Variants in TNPO1 observed in about 807,000 individuals in gnomAD.
The protein encoded by TNPO1 is transportin-1.
A neutral mutation model predicts 119.5 loss-of-function variants in TNPO1; 8 were observed. The ratio of observed to expected loss-of-function variants is 0.07; its 90% CI spans 0.04 to 0.12. The LOEUF (loss-of-function observed/expected upper bound fraction) is 0.12. Ranked by LOEUF, TNPO1 falls within the 10% of genes least tolerant of loss-of-function variation. TNPO1 has a pLI of 1.00. For synonymous variants in TNPO1, 362 were observed against 363.0 expected (o/e 1.00, Z 0.03); for missense variants, 576 against 1,089.8 (o/e 0.53, Z 6.64).
chr5:72,893,874 C>A (rs183727900), intron 18 of TNPO1, among the ~76,000 whole-genome samples, 171 bp downstream of exon 18: 2 of 152,192 alleles, frequency 1.3e-5, no homozygotes, highest in East Asian at 3.9e-4. Flanking sequence ...TGGCAGGAAC[C>A]CCTAATATTT....
At chr5:72,897,488 A>ATT (rs34716199) in intron 20 of TNPO1, among the ~76,000 whole-genome samples, 19 of 149,950 alleles carry the variant, frequency 1.3e-4, no homozygotes, top group Admixed American at 7.3e-4. Flanking sequence ...CTGGGAAGTA[A>ATT]TTTTTTTTTT....
rs1554050071 is a variant in TNPO1, at chr5:72,853,670, T to TC, written c.206-2101dup. 5.1e-3 allele frequency among the ~76,000 whole-genome samples: 777 copies of TC among 151,760 alleles called. 9 individuals are homozygous for TC. Among genetic ancestry groups the TC allele is most frequent in the African/African-American group, 0.017 (713 of 41,370 alleles). On this transcript the variant is annotated intron_variant, in intron 3 of 24. Transcript: ENST00000337273. Reference sequence around the variant, plus strand: ...TCTTGTGTTTATGCATTTTTTTTTTTCCCTGGGAAGATTGGGACACAAGTT... The same window carrying TC: ...TCTTGTGTTTATGCATTTTTTTTTTTCCCCTGGGAAGATTGGGACACAAGTT...
At chr5:72,832,636 A>C (rs1382800040) in intron 1 of TNPO1, among the ~76,000 whole-genome samples, 2 of 152,146 alleles carry the variant, frequency 1.3e-5, no homozygotes, top group African/African-American at 4.8e-5. Flanking sequence ...GTAAATTGCC[A>C]CTGTCCCTAC....
At chr5:72,901,171 C>A in intron 22 of TNPO1, 98 bp downstream of exon 22, 1 of 694,510 alleles carries the variant, frequency 1.4e-6, no homozygotes, top group Non-Finnish European at 2.2e-6. Context: ...TAACTATTTT[C>A]AAAGGTATCA....
At chr5:72,886,129 C>T (rs1197921730) in intron 11 of TNPO1, among the ~76,000 whole-genome samples, 32 of 151,582 alleles carry the variant, frequency 2.1e-4, no homozygotes, top group Non-Finnish European at 4.6e-4. Flanking sequence ...TTCAGGAACA[C>T]GTTCCTACCC....
At chr5:72,877,992 T>A (rs1016480183) in intron 9 of TNPO1, among the ~76,000 whole-genome samples, 5 of 152,206 alleles carry the variant, frequency 3.3e-5, no homozygotes, top group Non-Finnish European at 5.9e-5. Context: ...GCTTAAAATT[T>A]TAAATATACT....
At chr5:72,892,323 A>T (rs979740816) in intron 15 of TNPO1, among the ~76,000 whole-genome samples, 5 of 151,836 alleles carry the variant, frequency 3.3e-5, no homozygotes, top group Admixed American at 6.6e-5. Flanking sequence ...CTTTTATATG[A>T]TGTTCTCGTA....
chr5:72,816,727 A>AGG lies in TNPO1; in HGVS notation c.-10_-9dup. 1 of 1,577,436 alleles carries AGG rather than the reference A, an allele frequency of 6.3e-7. No individual in the cohort carries two copies. The highest frequency in any genetic ancestry group is 1.4e-5 in the African/African-American group (1 of 72,470). ...CTTCGGCCGAAGGCCCGAGCGCCCGAGGCGTCTGGGATGGTGTGGGACCGG... is the reference window on the plus strand; with the variant it reads ...CTTCGGCCGAAGGCCCGAGCGCCCGAGGGGCGTCTGGGATGGTGTGGGACCGG... On this transcript the variant is annotated 5_prime_UTR_variant, in exon 1 of 25. Coordinates refer to ENST00000337273, the MANE Select transcript of TNPO1 (RefSeq NM_002270.4).
chr5:72,893,570 G>A lies in TNPO1; in HGVS notation c.2055+35G>A, dbSNP rs778018457. On this transcript the variant is annotated intron_variant, in intron 17 of 24. Coordinates refer to ENST00000337273, the MANE Select transcript of TNPO1 (RefSeq NM_002270.4). ...GAAAGGTGAAAATGAATTGAAGCCTGTTTCTCTGTGTCACATTGGGGTTAA... is the reference window on the plus strand; with the variant it reads ...GAAAGGTGAAAATGAATTGAAGCCTATTTCTCTGTGTCACATTGGGGTTAA... The A allele has an allele frequency of 1.6e-5, 26 of 1,614,064 alleles. No homozygotes were observed. The East Asian group carries it at 5.6e-4, about 35-fold the overall frequency.
intron 1 of TNPO1, among the ~76,000 whole-genome samples, chr5:72,846,967 C>T (rs994641308): frequency 6.6e-6 from 1 of 152,006 alleles, no homozygotes; most frequent in Non-Finnish European, 1.5e-5. Context: ...TGCATAAAAA[C>T]ACATAGAATG....
chr5:72,820,004 G>A (rs1743882447), intron 1 of TNPO1, among the ~76,000 whole-genome samples: 1 of 152,134 alleles, frequency 6.6e-6, no homozygotes, highest in Non-Finnish European at 1.5e-5. Flanking sequence ...ACAAATATCA[G>A]TACTACGTAG....
chr5:72,851,815 G>A (rs1321330271), intron 3 of TNPO1, among the ~76,000 whole-genome samples: 3 of 152,122 alleles, frequency 2.0e-5, no homozygotes, highest in African/African-American at 7.2e-5. Context: ...TTAATAGGGT[G>A]TTTGTATAAT....
rs1187804780 is a variant in TNPO1 at position 72,903,789 on chromosome 5, T to C, written c.2589+6T>C. ...TCAGAGACATGTTCTGTAAGGTAAC[T>C]AATAAGTCTTTATAATGCATCATCT... On this transcript the variant is annotated splice_donor_region_variant and intron_variant, in intron 23 of 24. Transcript: ENST00000337273. 1.3e-6 allele frequency: 2 copies of C among 1,577,378 alleles called. No individual in the cohort carries two copies. Among genetic ancestry groups the C allele is most frequent in the Non-Finnish European group, 1.7e-6 (2 of 1,152,712 alleles).
intron 1 of TNPO1, among the ~76,000 whole-genome samples, chr5:72,828,735 A>T (rs1296100404): frequency 6.8e-6 from 1 of 148,066 alleles, no homozygotes; most frequent in Admixed American, 6.8e-5. Context: ...TTTTTTTTCT[A>T]CCAGTACCTG....
chr5:72,891,757 T>G, intron 14 of TNPO1, 53 bp from the exon 15 acceptor site: 1 of 1,281,302 alleles, frequency 7.8e-7, no homozygotes, highest in Non-Finnish European at 1.1e-6. Flanking sequence ...CTCAAAATGG[T>G]CTTGTTGACA....
At chr5:72,874,319 C>T (rs544783596) in intron 7 of TNPO1, among the ~76,000 whole-genome samples, 29 of 152,168 alleles carry the variant, frequency 1.9e-4, no homozygotes, top group African/African-American at 6.5e-4. Flanking sequence ...ATCATGTCTG[C>T]TAAGTCTAAC....
Position 72,891,831 on chromosome 5 carries a change from C to G in TNPO1, c.1723C>G (p.Pro575Ala). The change falls in exon 15 of 25, where the codon CCT (proline) becomes GCT (alanine). Residue 575 changes from proline to alanine, a missense_variant. Pro to Ala is a conservative substitution (Grantham distance 27, BLOSUM62 -1). Around this residue, in one of 6 missense-constraint regions of TNPO1, gnomAD observed 23 missense variants for 105.8 expected, o/e 0.22. Transcript: ENST00000337273. The part of the protein sequence containing the change: ...NKPEYIQMLM[P>A]PLIQKWNMLK... ...ATAGGAATATATTCAGATGCTAATGCCTCCACTGATCCAGAAATGGAACAT... is the reference window on the plus strand; with the variant it reads ...ATAGGAATATATTCAGATGCTAATGGCTCCACTGATCCAGAAATGGAACAT... The G allele has an allele frequency of 6.2e-7, 1 of 1,609,464 alleles. No homozygotes were observed. The highest frequency in any genetic ancestry group is 8.5e-7 in the Non-Finnish European group (1 of 1,177,686).
chr5:72,874,020 A>G (rs879641910), intron 7 of TNPO1, among the ~76,000 whole-genome samples: 1 of 152,116 alleles, frequency 6.6e-6, no homozygotes, highest in Non-Finnish European at 1.5e-5. Flanking sequence ...AGGAAATATA[A>G]TCTAAAATAA....
At position 72,845,171 on chromosome 5, in the gene TNPO1, G is replaced by A. The variant is rs564526738; in HGVS notation, c.16-3214G>A. Among the ~76,000 whole-genome samples, 6 of 151,650 alleles carry A rather than the reference G, an allele frequency of 4.0e-5. No individual in the cohort carries two copies. In the East Asian group the frequency reaches 5.8e-4, roughly 15 times the overall value. ...AGTATGGAGTATCATCTAAGGGAGC[G>A]AAATTTGAAGTACTACTTCCTTTTT... On this transcript the variant is annotated intron_variant, in intron 1 of 24. Transcript: ENST00000337273.
Sources: gnomAD v4.1 joint callset for allele counts (sites outside exome capture counted in the v4.1 genomes callset) on GRCh38, gnomAD v4.1.1 for gene constraint, gnomAD v4.1.1 regional missense constraint, MANE v1.5 for transcripts, NCBI Gene and HGNC (gene_info 2026-07-23, HGNC 2026-07-21) for gene names.